Variants in MECOM observed in about 807,000 individuals in gnomAD.
MECOM encodes MDS1 and EVI1 complex locus.
MECOM carries 13 observed loss-of-function variants against 116.3 expected under a neutral mutation model. The ratio of observed to expected loss-of-function variants is 0.11; its 90% CI spans 0.07 to 0.18. The LOEUF (loss-of-function observed/expected upper bound fraction) is 0.18. Among genes scored for constraint, MECOM ranks in the 10% least tolerant of loss-of-function variants. The pLI is 1.00. For missense variants in MECOM, 1,299 were observed against 1,509.0 expected (o/e 0.86, Z 2.31); for synonymous variants, 528 against 535.2 (o/e 0.99, Z 0.19).
chr3:169,474,456 A>G (rs1750035846), intron 1 of MECOM, among the ~76,000 whole-genome samples: 1 of 152,214 alleles, frequency 6.6e-6, no homozygotes, highest in South Asian at 2.1e-4. Flanking sequence ...ACAGAATGGT[A>G]ATATACCACC....
intron 2 of MECOM, among the ~76,000 whole-genome samples, chr3:169,249,159 T>G (rs1213161470): frequency 6.6e-6 from 1 of 152,210 alleles, no homozygotes; most frequent in Non-Finnish European, 1.5e-5. Context: ...ACCTATCATG[T>G]GCTTTGCGTG....
chr3:169,263,561 A>G (rs1757900319), intron 2 of MECOM, among the ~76,000 whole-genome samples: 1 of 151,964 alleles, frequency 6.6e-6, no homozygotes, highest in Non-Finnish European at 1.5e-5. Flanking sequence ...TCATTTTTAA[A>G]CATTATTTTA....
intron 2 of MECOM, among the ~76,000 whole-genome samples, chr3:169,341,741 A>AAAAAAG (rs2149791594): frequency 6.7e-6 from 1 of 149,094 alleles, no homozygotes; most frequent in Admixed American, 6.7e-5. Flanking sequence ...CTCCCTCTCA[A>AAAAAAG]AAAAAAAAAA....
chr3:169,312,003 A>C (rs777403704), intron 2 of MECOM, among the ~76,000 whole-genome samples: 5 of 152,200 alleles, frequency 3.3e-5, no homozygotes, highest in African/African-American at 4.8e-5. Context: ...AGGTGGTAGG[A>C]GATGAGGTCA....
At chr3:169,653,108 T>C (rs1479344018) in intron 1 of MECOM, among the ~76,000 whole-genome samples, 1 of 152,152 alleles carries the variant, frequency 6.6e-6, no homozygotes, top group Non-Finnish European at 1.5e-5. Context: ...TTCCAGGTGG[T>C]TTATCACTGT....
At chr3:169,524,471 C>G (rs1383054137) in intron 1 of MECOM, among the ~76,000 whole-genome samples, 18 of 152,228 alleles carry the variant, frequency 1.2e-4, no homozygotes, top group Admixed American at 1.2e-3. Flanking sequence ...AGCATGGACA[C>G]TCTTTTCTGT....
At chr3:169,649,613 C>T (rs1345061163) in intron 1 of MECOM, among the ~76,000 whole-genome samples, 2 of 152,008 alleles carry the variant, frequency 1.3e-5, no homozygotes, top group Admixed American at 6.6e-5. Context: ...GGATTTAATT[C>T]ATCATGCCTT....
At chr3:169,215,055 A>G (rs1751251303) in intron 2 of MECOM, among the ~76,000 whole-genome samples, 1 of 150,958 alleles carries the variant, frequency 6.6e-6, no homozygotes, top group Admixed American at 6.6e-5. Context: ...TTGTTAGAAA[A>G]TCAGTATCAT....
intron 2 of MECOM, among the ~76,000 whole-genome samples, chr3:169,149,945 G>A (rs867145536): frequency 7.4e-6 from 1 of 134,566 alleles, no homozygotes; most frequent in Non-Finnish European, 1.6e-5. Flanking sequence ...CTGTGTGTGT[G>A]TGTGTGTGTG....
In MECOM at chr3:169,389,344, G is replaced by T. The variant is rs563759797; in HGVS notation, c.38-7820C>A. ...AAAGAGCTAACGCAAAGACATTAAA[G>T]TTCTGTGAGTACTATTCCAAAGGAA... On this transcript the variant is annotated intron_variant, in intron 1 of 16. Coordinates refer to ENST00000651503, the MANE Select transcript of MECOM (RefSeq NM_004991.4). 6.6e-5 allele frequency among the ~76,000 whole-genome samples: 10 copies of T among 152,318 alleles called. No individual in the cohort carries two copies. In the East Asian group the frequency reaches 1.3e-3, roughly 21 times the overall value.
chr3:169,115,546 T>G lies in MECOM; in HGVS notation c.2326A>C (p.Ser776Arg). Residue 776 changes from serine to arginine, a missense_variant, in exon 8 of 17, where the codon AGT becomes CGT. Transcript: ENST00000651503. ...CTGGCTCTACTCCTACTGCCCATAC[T>G]TAGATCCAGGGGCTGGTCTTGGCTT... ...ATSQDQPLDL[S>R]MGSRSRASGT... The G allele has an allele frequency of 6.2e-7, 1 of 1,614,158 alleles. No individual in the cohort carries two copies. Among genetic ancestry groups the G allele is most frequent in the Non-Finnish European group, 8.5e-7 (1 of 1,180,032 alleles).
intron 1 of MECOM, among the ~76,000 whole-genome samples, chr3:169,615,873 T>A (rs984979088): frequency 6.6e-6 from 1 of 152,234 alleles, no homozygotes; most frequent in Non-Finnish European, 1.5e-5. Flanking sequence ...TTTTCTCACA[T>A]AAATGTTAAC....
At chr3:169,546,388 T>A (rs527950816) in intron 1 of MECOM, among the ~76,000 whole-genome samples, 2 of 152,296 alleles carry the variant, frequency 1.3e-5, no homozygotes, top group South Asian at 4.1e-4. Context: ...TGTGTTGGGA[T>A]GGAAGGGGCT....
intron 2 of MECOM, among the ~76,000 whole-genome samples, chr3:169,329,815 G>A (rs1212525846): frequency 6.6e-6 from 1 of 152,176 alleles, no homozygotes; most frequent in African/African-American, 2.4e-5. Flanking sequence ...TTTAAATTAT[G>A]TACAATATGC....
intron 1 of MECOM, among the ~76,000 whole-genome samples, chr3:169,572,941 ACGT>A (rs1167461417): frequency 4.9e-4 from 75 of 152,276 alleles, no homozygotes; most frequent in African/African-American, 1.6e-3. Context: ...ACAAACCTGC[ACGT>A]TCTGCACATG....
At chr3:169,646,523 T>C (rs1411141714) in intron 1 of MECOM, among the ~76,000 whole-genome samples, 1 of 152,306 alleles carries the variant, frequency 6.6e-6, no homozygotes, top group Non-Finnish European at 1.5e-5. Flanking sequence ...TAGGCTTTCC[T>C]TATCTAAATT....
intron 2 of MECOM, among the ~76,000 whole-genome samples, chr3:169,352,121 G>A (rs894558525): frequency 1.8e-4 from 28 of 151,870 alleles, no homozygotes; most frequent in African/African-American, 3.1e-4. Flanking sequence ...ACAGGGAAAG[G>A]AGAATCATTC....
At chr3:169,111,915 A>G (rs983023583) in intron 9 of MECOM, among the ~76,000 whole-genome samples, 1 of 152,160 alleles carries the variant, frequency 6.6e-6, no homozygotes, top group Non-Finnish European at 1.5e-5. Context: ...ATTTTATTAG[A>G]GAACCATCAT....
intron 2 of MECOM, among the ~76,000 whole-genome samples, chr3:169,375,934 A>C (rs1054244209): frequency 1.3e-5 from 2 of 152,202 alleles, no homozygotes; most frequent in African/African-American, 4.8e-5. Context: ...TCCTCAATAA[A>C]ATACCGGCAA....
Sources: gnomAD v4.1 joint callset for allele counts (sites outside exome capture counted in the v4.1 genomes callset) on GRCh38, gnomAD v4.1.1 for gene constraint, MANE v1.5 for transcripts, NCBI Gene and HGNC (gene_info 2026-07-23, HGNC 2026-07-21) for gene names.